EDARADD: variants seen among roughly 807,000 people sequenced by gnomAD.
EDARADD encodes ectodysplasin-A receptor-associated adapter protein.
A neutral mutation model predicts 25.6 loss-of-function variants in EDARADD; 20 were observed. That is an observed-to-expected ratio of 0.78 (90% CI 0.55 to 1.14). The LOEUF (loss-of-function observed/expected upper bound fraction) is 1.14, where lower values mean the gene tolerates loss of function less well. EDARADD is among the 50% of genes most tolerant of loss of function. EDARADD has a pLI of 0.00. For missense variants in EDARADD, 225 were observed against 270.1 expected, an observed-to-expected ratio of 0.83 and a Z score of 1.17; for synonymous variants, 86 against 94.4, an observed-to-expected ratio of 0.91 and a Z score of 0.52.
At chr1:236,459,756 GCT>G (rs1658988667) in intron 4 of EDARADD, among the ~76,000 whole-genome samples, 1 of 151,646 alleles carries the variant, frequency 6.6e-6, no homozygotes, top group Non-Finnish European at 1.5e-5. Context: ...GGGGTTACAG[GCT>G]CCCACCGCCA....
intron 2 of EDARADD, chr1:236,349,018 T>TGTTA (rs1437775117): frequency 6.6e-6 from 1 of 152,222 alleles, no homozygotes; most frequent in East Asian, 1.9e-4. Flanking sequence ...ATGTCTCCTG[T>TGTTA]GTTAGCCCAG....
chr1:236,452,794 C>T (rs1342191688), intron 4 of EDARADD, among the ~76,000 whole-genome samples: 1 of 152,130 alleles, frequency 6.6e-6, no homozygotes, highest in African/African-American at 2.4e-5. Context: ...GGAACATGTA[C>T]ACACCACTGT....
intron 3 of EDARADD, among the ~76,000 whole-genome samples, chr1:236,424,596 C>CA (rs2103014990): frequency 6.6e-6 from 1 of 152,248 alleles, no homozygotes; most frequent in African/African-American, 2.4e-5. Context: ...CAGAGAACCT[C>CA]AAATCAGTAT....
At chr1:236,432,937 A>AG (rs1553267672) in intron 4 of EDARADD, among the ~76,000 whole-genome samples, 22 of 151,416 alleles carry the variant, frequency 1.5e-4, no homozygotes, top group Non-Finnish European at 2.6e-4. Context: ...CAAAAAAAAA[A>AG]AAAGAAAGAA....
At chr1:236,349,107 C>T (rs547214936) in intron 2 of EDARADD, 1 of 152,242 alleles carries the variant, frequency 6.6e-6, no homozygotes, top group Non-Finnish European at 1.5e-5. Context: ...ATTCAAACTC[C>T]TGGGCTCAAG....
At chr1:236,469,948 G>C (rs1047612746) in intron 5 of EDARADD, among the ~76,000 whole-genome samples, 1 of 152,036 alleles carries the variant, frequency 6.6e-6, no homozygotes, top group Non-Finnish European at 1.5e-5. Flanking sequence ...GACCTCAGGT[G>C]ATCCACCTGC....
intron 5 of EDARADD, among the ~76,000 whole-genome samples, chr1:236,473,647 C>G (rs536218460): frequency 6.6e-6 from 1 of 152,048 alleles, no homozygotes; most frequent in South Asian, 2.1e-4. Context: ...TAGCTGGGCC[C>G]GGTGGCGTGC....
At position 236,483,756 on chromosome 1, in the gene EDARADD, G is replaced by T; in HGVS notation, c.*1107G>T. Reference sequence around the variant, plus strand: ...CCACAGCCTGAAGAATGTCATCAAGGAGAAATATGGGAAAGATGCCACCGG... The same window carrying T: ...CCACAGCCTGAAGAATGTCATCAAGTAGAAATATGGGAAAGATGCCACCGG... On this transcript the variant is annotated 3_prime_UTR_variant, in exon 6 of 6. Transcript: ENST00000334232. 1 of 1,496,646 alleles carries T rather than the reference G, an allele frequency of 6.7e-7. No homozygotes were observed. Among genetic ancestry groups the T allele is most frequent in the South Asian group, 1.1e-5 (1 of 88,608 alleles). The allele number at this position is 1,496,646 out of a possible 1,614,324, so 92.7% of individuals were successfully genotyped here. A position where few individuals can be genotyped will look rare whatever the true frequency, so the allele number is the denominator to read the frequency against.
At chr1:236,446,924 C>G (rs1161074220) in intron 4 of EDARADD, among the ~76,000 whole-genome samples, 1 of 152,144 alleles carries the variant, frequency 6.6e-6, no homozygotes, top group Non-Finnish European at 1.5e-5. Flanking sequence ...ATCAGGTTGT[C>G]CCAGGTACTG....
At chr1:236,433,610 C>T (rs776030445) in intron 4 of EDARADD, among the ~76,000 whole-genome samples, 6 of 151,914 alleles carry the variant, frequency 3.9e-5, no homozygotes, top group Non-Finnish European at 7.4e-5. Flanking sequence ...CGCATCCAGC[C>T]TAACTCATAT....
At chr1:236,431,918 A>T (rs1273989559) in intron 4 of EDARADD, among the ~76,000 whole-genome samples, 1 of 130,950 alleles carries the variant, frequency 7.6e-6, no homozygotes, top group African/African-American at 3.3e-5. Context: ...ACAGAGCGAG[A>T]CTCCGTCTCA....
At chr1:236,405,919 TTCTTTCTCTTTCC>T (rs1667724127) in intron 1 of EDARADD, among the ~76,000 whole-genome samples, 1 of 58,362 alleles carries the variant, frequency 1.7e-5, no homozygotes, top group African/African-American at 5.6e-5. Context: ...CTTTCTTTCT[TTCTTTCTCTTTCC>T]TTTTTTTTTT....
At chr1:236,368,512 C>T (rs931925613) in intron 3 of EDARADD, among the ~76,000 whole-genome samples, 1 of 148,546 alleles carries the variant, frequency 6.7e-6, no homozygotes, top group Non-Finnish European at 1.5e-5. Flanking sequence ...GCTATCTCAG[C>T]TCACTGCAAC....
At chr1:236,470,361 T>C (rs993669261) in intron 5 of EDARADD, among the ~76,000 whole-genome samples, 1 of 152,196 alleles carries the variant, frequency 6.6e-6, no homozygotes, top group Non-Finnish European at 1.5e-5. Flanking sequence ...ACATATTTAT[T>C]TTCTAATTTT....
intron 3 of EDARADD, among the ~76,000 whole-genome samples, chr1:236,384,019 A>G (rs920189176): frequency 6.6e-6 from 1 of 152,164 alleles, no homozygotes; most frequent in Admixed American, 6.5e-5. Flanking sequence ...ATAAAATAAA[A>G]TAAAATAATA....
chr1:236,348,554 G>A (rs1558097364), intron 1 of EDARADD, among the ~76,000 whole-genome samples: 1 of 152,186 alleles, frequency 6.6e-6, no homozygotes, highest in Non-Finnish European at 1.5e-5. Flanking sequence ...GCACAGCCTT[G>A]ATTTTCCAAA....
chr1:236,375,277 T>C (rs1280632733), intron 3 of EDARADD, among the ~76,000 whole-genome samples: 1 of 152,192 alleles, frequency 6.6e-6, no homozygotes, highest in Non-Finnish European at 1.5e-5. Flanking sequence ...TACGTAAATA[T>C]ATATGTATAT....
rs1220241308 is a variant in EDARADD, at chr1:236,482,792, G to GT, written c.*144dup. 8.4e-7 allele frequency: 1 copy of GT among 1,187,296 alleles called. No homozygotes were observed. Among genetic ancestry groups the GT allele is most frequent in the East Asian group, 2.5e-5 (1 of 40,752 alleles). The allele number at this position is 1,187,296 out of a possible 1,614,324, so 73.5% of individuals were successfully genotyped here. Reference sequence around the variant, plus strand: ...GGTTTTCCCCAAAGCTGGCAGTTTTGTGGAGGGGTAGCTTGTTTCGGTGGT... The same window carrying GT: ...GGTTTTCCCCAAAGCTGGCAGTTTTGTTGGAGGGGTAGCTTGTTTCGGTGGT... On this transcript the variant is annotated 3_prime_UTR_variant, in exon 6 of 6. Coordinates refer to ENST00000334232, the MANE Select transcript of EDARADD (RefSeq NM_145861.4).
intron 4 of EDARADD, among the ~76,000 whole-genome samples, chr1:236,466,752 T>G (rs1571953329): frequency 1.3e-5 from 2 of 152,020 alleles, no homozygotes; most frequent in South Asian, 4.2e-4. Context: ...CTGAGAAGAT[T>G]AAGAGAGAAA....
Sources: gnomAD v4.1 joint callset for allele counts (sites outside exome capture counted in the v4.1 genomes callset) on GRCh38, gnomAD v4.1.1 for gene constraint, MANE v1.5 for transcripts, NCBI Gene and HGNC (gene_info 2026-07-23, HGNC 2026-07-21) for gene names.